Variants in SPATA6 observed in about 807,000 individuals in gnomAD.
SPATA6 encodes spermatogenesis associated 6, also known as spermatogenesis-associated protein 6.
A neutral mutation model predicts 65.3 loss-of-function variants in SPATA6; 56 were observed. That is an observed-to-expected ratio of 0.86 (90% CI 0.69 to 1.07). SPATA6 has a LOEUF of 1.07. SPATA6 is among the 50% of genes least tolerant of loss of function. The pLI, the probability that SPATA6 is intolerant of heterozygous loss-of-function variation, is 0.00. For synonymous variants in SPATA6, 199 were observed against 213.2 expected (o/e 0.93, Z 0.58); for missense variants, 590 against 594.8 (o/e 0.99, Z 0.08).
the SPATA6 span, among the ~76,000 whole-genome samples, chr1:48,280,436 C>A: frequency 1.3e-5 from 2 of 151,790 alleles, no homozygotes; most frequent in East Asian, 3.9e-4. Context: ...AGACTGCTAG[C>A]AAGACTAATA....
chr1:48,391,546 G>A (rs1165857472), intron 8 of SPATA6, among the ~76,000 whole-genome samples: 1 of 152,110 alleles, frequency 6.6e-6, no homozygotes, highest in Non-Finnish European at 1.5e-5. Context: ...ATTTGCACAG[G>A]TTTATAATTT....
intron 3 of SPATA6, among the ~76,000 whole-genome samples, chr1:48,442,066 T>C (rs971396766): frequency 4.6e-5 from 7 of 152,158 alleles, no homozygotes; most frequent in Non-Finnish European, 7.4e-5. Context: ...GAGGATCTCT[T>C]AGAAGTCCCC....
At chr1:48,411,166 A>G (rs1652191246) in intron 5 of SPATA6, among the ~76,000 whole-genome samples, 1 of 152,214 alleles carries the variant, frequency 6.6e-6, no homozygotes, top group Admixed American at 6.5e-5. Flanking sequence ...AATGTCAATT[A>G]CAATTTAAAA....
chr1:48,410,700 G>A (rs1045491261), intron 5 of SPATA6, among the ~76,000 whole-genome samples: 2 of 152,180 alleles, frequency 1.3e-5, no homozygotes, highest in Non-Finnish European at 2.9e-5. Flanking sequence ...GCAGGCGAGA[G>A]AGAAAATGTG....
the SPATA6 span, among the ~76,000 whole-genome samples, chr1:48,279,774 G>A: frequency 1.3e-5 from 2 of 152,194 alleles, no homozygotes; most frequent in African/African-American, 2.4e-5. Context: ...ACAGATCAAC[G>A]AGACAGAAAG....
At chr1:48,452,242 GGAAGGAAGGCGA>G (rs1336600867) in intron 2 of SPATA6, among the ~76,000 whole-genome samples, 2 of 151,784 alleles carry the variant, frequency 1.3e-5, no homozygotes, top group African/African-American at 4.8e-5. Context: ...AAAAAGGGAA[GGAAGGAAGGCGA>G]GAAGGAAGGA....
the SPATA6 span, among the ~76,000 whole-genome samples, chr1:48,274,606 C>T: frequency 6.6e-6 from 1 of 152,100 alleles, no homozygotes; most frequent in East Asian, 1.9e-4. Context: ...AAATCATTTC[C>T]CCATTTCTTG....
chr1:48,282,319 C>A, the SPATA6 span, among the ~76,000 whole-genome samples: 3 of 152,056 alleles, frequency 2.0e-5, no homozygotes, highest in African/African-American at 4.8e-5. Context: ...GCAACAAAAG[C>A]CAAAATTGAC....
At position 48,453,182 on chromosome 1, in the gene SPATA6, C is replaced by A. The variant is rs749197529; in HGVS notation, c.52-51G>T. ...GTAACTGCTTTATAAATTCCCTGAA[C>A]TATCCTACTAAAATAACTTATCAAA... On this transcript the variant is annotated intron_variant, in intron 1 of 12. Coordinates refer to ENST00000371847, the MANE Select transcript of SPATA6 (RefSeq NM_019073.4). The A allele has an allele frequency of 7.1e-6, 11 of 1,543,126 alleles. 1 individual carries two copies. In the South Asian group the frequency reaches 9.9e-5, roughly 14 times the overall value.
intron 1 of SPATA6, among the ~76,000 whole-genome samples, chr1:48,460,137 A>G (rs949260999): frequency 6.7e-6 from 1 of 149,596 alleles, no homozygotes; most frequent in Non-Finnish European, 1.5e-5. Flanking sequence ...TGCCTGCCTA[A>G]TTTTTTTTTT....
At chr1:48,313,008 G>T (rs528525423) in intron 11 of SPATA6, among the ~76,000 whole-genome samples, 25 of 152,222 alleles carry the variant, frequency 1.6e-4, no homozygotes, top group African/African-American at 4.8e-4. Flanking sequence ...TAAATAAAAA[G>T]AAACTAACAA....
In SPATA6 at chr1:48,454,631, T is replaced by C. The variant is rs72897217; in HGVS notation, c.52-1500A>G. 7.1e-3 allele frequency among the ~76,000 whole-genome samples: 1,075 copies of C among 152,284 alleles called. 18 individuals are homozygous for C. Among genetic ancestry groups the C allele is most frequent in the African/African-American group, 0.024 (1,014 of 41,560 alleles). On this transcript the variant is annotated intron_variant, in intron 1 of 12. Transcript: ENST00000371847. The stretch of plus-strand genomic sequence containing the variant: ...GTACATATCACCTCTTGATCATAAA[T>C]TTCCTGAGGACAGAAATTTTCTTTT...
At chr1:48,388,151 T>C (rs1430660545) in intron 8 of SPATA6, among the ~76,000 whole-genome samples, 1 of 151,818 alleles carries the variant, frequency 6.6e-6, no homozygotes, top group Non-Finnish European at 1.5e-5. Context: ...AGTGTCCCAG[T>C]CCTCAGCAAA....
intron 9 of SPATA6, among the ~76,000 whole-genome samples, chr1:48,361,314 T>TA (rs1646805906): frequency 6.6e-6 from 1 of 152,056 alleles, no homozygotes; most frequent in African/African-American, 2.4e-5. Context: ...TGGAAGTGAA[T>TA]AAACAATGTA....
At chr1:48,434,587 T>A (rs891600771) in intron 3 of SPATA6, among the ~76,000 whole-genome samples, 3 of 151,376 alleles carry the variant, frequency 2.0e-5, no homozygotes, top group African/African-American at 7.3e-5. Flanking sequence ...ATCTGAGGAG[T>A]GACTGGAAAT....
chr1:48,424,680 T>C (rs936067015), intron 3 of SPATA6, among the ~76,000 whole-genome samples: 3 of 152,192 alleles, frequency 2.0e-5, no homozygotes, highest in Non-Finnish European at 2.9e-5. Flanking sequence ...TAAAAGCCAT[T>C]TTAACTACGG....
the SPATA6 span, among the ~76,000 whole-genome samples, chr1:48,281,211 A>C: frequency 1.3e-5 from 2 of 151,902 alleles, no homozygotes; most frequent in Non-Finnish European, 2.9e-5. Context: ...TCTATGACAA[A>C]CCCACAGCCA....
In SPATA6 at chr1:48,355,739, G is replaced by A; in HGVS notation, c.1125C>T (p.Asn375=). The A allele has an allele frequency of 6.2e-7, 1 of 1,613,220 alleles. No homozygotes were observed. The highest frequency in any genetic ancestry group is 8.5e-7 in the Non-Finnish European group (1 of 1,179,452). The change falls in exon 11 of 13, where the codon AAC becomes AAT. Residue 375 remains asparagine (N), a synonymous_variant. Transcript: ENST00000371847. ...RFHSDWCSPS[N]CDEIHDRVKN... ...TTACCCGGTCATGGATCTCATCGCA[G>A]TTTGAAGGTGAACACCAATCAGAAT...
the SPATA6 span, among the ~76,000 whole-genome samples, chr1:48,266,712 C>T: frequency 6.6e-6 from 1 of 152,084 alleles, no homozygotes; most frequent in Admixed American, 6.6e-5. Context: ...TTTCATTTGG[C>T]AAAAACAATT....
Sources: allele counts gnomAD v4.1 joint callset (sites outside exome capture counted in the v4.1 genomes callset), GRCh38; gene constraint gnomAD v4.1.1; transcripts MANE v1.5; gene names NCBI Gene and HGNC (gene_info 2026-07-23, HGNC 2026-07-21).